ARHGAP27: variants seen among roughly 807,000 people sequenced by gnomAD.
The protein encoded by ARHGAP27 is rho GTPase-activating protein 27.
A neutral mutation model predicts 102.0 loss-of-function variants in ARHGAP27; 53 were observed. The ratio of observed to expected loss-of-function variants is 0.52; its 90% CI spans 0.42 to 0.65. The LOEUF is 0.65. Among genes scored for constraint, ARHGAP27 ranks in the 30% least tolerant of loss-of-function variants. ARHGAP27 has a pLI of 0.00. For missense variants in ARHGAP27, 1,117 were observed against 1,256.2 expected, an observed-to-expected ratio of 0.89 and a Z score of 1.68; for synonymous variants, 525 against 542.8, an observed-to-expected ratio of 0.97 and a Z score of 0.46.
At chr17:45,421,476 G>A (rs2049033603) in intron 4 of ARHGAP27, among the ~76,000 whole-genome samples, 1 of 151,764 alleles carries the variant, frequency 6.6e-6, no homozygotes, top group African/African-American at 2.4e-5. Flanking sequence ...AGTAGACCCT[G>A]TCTCAAAAAA....
chr17:45,409,828 C>G (rs2047684614), intron 4 of ARHGAP27: 2 of 176,580 alleles, frequency 1.1e-5, no homozygotes, highest in South Asian at 1.3e-4. Context: ...GAGGCCCAGA[C>G]AAGACCCAGA....
At chr17:45,404,422 G>C in intron 8 of ARHGAP27, 23 bp downstream of exon 8, 3 of 1,614,002 alleles carry the variant, frequency 1.9e-6, no homozygotes. Context: ...GTCCTGCCAG[G>C]ACCTCAATGG....
intron 4 of ARHGAP27, among the ~76,000 whole-genome samples, chr17:45,428,488 T>G (rs1264867185): frequency 6.6e-6 from 1 of 151,532 alleles, no homozygotes; most frequent in Non-Finnish European, 1.5e-5. Context: ...CAGAATCCAG[T>G]TCCCCTTTCC....
Position 45,396,546 on chromosome 17 carries a change from C to A in ARHGAP27, c.2114G>T (p.Arg705Leu). 7 of 1,595,086 alleles carry A rather than the reference C, an allele frequency of 4.4e-6. No homozygotes were observed. Among genetic ancestry groups the A allele is most frequent in the East Asian group, 2.3e-5 (1 of 44,414 alleles). The change falls in exon 16 of 20, where the codon CGC (arginine) becomes CTC (leucine). Residue 705 changes from arginine to leucine, a missense_variant. Arg to Leu is a moderately radical substitution (Grantham distance 102). Around this residue, in one of 3 missense-constraint regions of ARHGAP27, gnomAD observed 493 missense variants for 505.5 expected, o/e 0.98. Coordinates refer to ENST00000685559, the MANE Select transcript of ARHGAP27 (RefSeq NM_001282290.2). Reference sequence around the variant, plus strand: ...GAAGCGTGGCACCCGGCTCCTCTCGCGCTCACACAGCGCGGCCAGCGCGCA... The same window carrying A: ...GAAGCGTGGCACCCGGCTCCTCTCGAGCTCACACAGCGCGGCCAGCGCGCA... ...FGCALAALCE[R>L]ERSRVPRFVQ...
intron 4 of ARHGAP27, among the ~76,000 whole-genome samples, chr17:45,423,888 G>A (rs899175585): frequency 4.6e-5 from 7 of 152,248 alleles, no homozygotes; most frequent in Admixed American, 2.0e-4. Context: ...ACAGTCATTC[G>A]ATTGAGATTT....
intron 4 of ARHGAP27, 104 bp downstream of exon 4, chr17:45,429,519 C>A (rs2049890536): frequency 7.9e-6 from 12 of 1,528,448 alleles, no homozygotes; most frequent in Non-Finnish European, 1.0e-5. Flanking sequence ...AGGTGGGCGT[C>A]GTGCCCGACG....
chr17:45,401,392 C>A (rs570798065), intron 12 of ARHGAP27, among the ~76,000 whole-genome samples: 5 of 152,276 alleles, frequency 3.3e-5, no homozygotes, highest in Admixed American at 6.5e-5. Flanking sequence ...AGACTCCAGA[C>A]CTACTCATCA....
rs36233058 is a variant in ARHGAP27 at position 45,412,962 on chromosome 17, CTTTTTTTTTTTT to C, written c.658-6891_658-6880del. Among the ~76,000 whole-genome samples the C allele has an allele frequency of 3.1e-3, 126 of 41,132 alleles. 1 individual carries two copies. The highest frequency in any genetic ancestry group is 9.4e-3 in the African/African-American group (97 of 10,268). 27.0% of individuals were successfully genotyped at this position (41,132 alleles called of 152,430 possible). ...GTGTGGCACCACGGCTCAGTATAAT[CTTTTTTTTTTTT>C]TTTTTTTTTTTTTTTTTTTTTTTTT... On this transcript the variant is annotated intron_variant, in intron 4 of 19. Transcript: ENST00000685559.
At chr17:45,419,220 G>A (rs1308047436) in intron 4 of ARHGAP27, among the ~76,000 whole-genome samples, 1 of 152,000 alleles carries the variant, frequency 6.6e-6, no homozygotes, top group Admixed American at 6.6e-5. Flanking sequence ...CCCATCCAGA[G>A]ATAAACATAA....
rs1452932233 is a variant in ARHGAP27 at position 45,395,864 on chromosome 17, G to A, written c.2387-15C>T. Reference sequence around the variant, plus strand: ...GTCCTGCAACTCTGGGTGAGGGAAGGTTTAGAGGGAGGGAGTCGGAACGGG... The same window carrying A: ...GTCCTGCAACTCTGGGTGAGGGAAGATTTAGAGGGAGGGAGTCGGAACGGG... On this transcript the variant is annotated splice_polypyrimidine_tract_variant and intron_variant, in intron 18 of 19. Transcript: ENST00000685559. The A allele has an allele frequency of 1.3e-6, 2 of 1,594,886 alleles. No homozygotes were observed. The highest frequency in any genetic ancestry group is 2.2e-5 in the South Asian group (2 of 88,956).
At chr17:45,410,262 G>T in intron 4 of ARHGAP27, 2 of 1,533,234 alleles carry the variant, frequency 1.3e-6, no homozygotes, top group Non-Finnish European at 1.7e-6. Context: ...TCTGCCTCCT[G>T]GTCACTTTGG....
chr17:45,397,186 C>T, intron 13 of ARHGAP27, 162 bp from the exon 14 acceptor site: 2 of 1,437,648 alleles, frequency 1.4e-6, no homozygotes, highest in Non-Finnish European at 1.8e-6. Context: ...TTACCTCCAC[C>T]AGTGAGCCTG....
chr17:45,409,755 C>T (rs143696429), intron 4 of ARHGAP27: 402 of 161,100 alleles, frequency 2.5e-3, no homozygotes, highest in Non-Finnish European at 3.5e-3. Flanking sequence ...CCTCCACATC[C>T]TCTGGCCTTC....
chr17:45,416,468 T>TC (rs201825602), intron 4 of ARHGAP27, among the ~76,000 whole-genome samples: 18 of 145,936 alleles, frequency 1.2e-4, no homozygotes, highest in East Asian at 7.9e-4. Context: ...TCTCTCTCTC[T>TC]TTTTTTTTTT....
Position 45,415,047 on chromosome 17 carries a change from A to G in ARHGAP27, c.658-8964T>C, listed in dbSNP as rs372322508. ...CATTGCTCTCTAGCCTGGGTGACAG[A>G]GAGAGAGTCCATCTCAAAAAAAAAA... On this transcript the variant is annotated intron_variant, in intron 4 of 19. Coordinates refer to ENST00000685559, the MANE Select transcript of ARHGAP27 (RefSeq NM_001282290.2). Among the ~76,000 whole-genome samples the G allele has an allele frequency of 4.8e-5, 7 of 146,336 alleles. No individual in the cohort carries two copies. In the East Asian group the frequency reaches 1.0e-3, roughly 21 times the overall value.
chr17:45,405,285 G>C (rs1405710429), intron 5 of ARHGAP27, among the ~76,000 whole-genome samples, 179 bp from the exon 6 acceptor site: 1 of 151,864 alleles, frequency 6.6e-6, no homozygotes, highest in East Asian at 1.9e-4. Context: ...CTGGGGCTGT[G>C]GGAGCAGAAG....
At position 45,402,796 on chromosome 17, in the gene ARHGAP27, G is replaced by A; in HGVS notation, c.1661C>T (p.Thr554Ile). The A allele has an allele frequency of 1.9e-6, 3 of 1,613,540 alleles. No individual in the cohort carries two copies. Among genetic ancestry groups the A allele is most frequent in the Non-Finnish European group, 2.5e-6 (3 of 1,179,718 alleles). ...CCTCAGCTCCACTGTGTACTCAGGG[G>A]TGGAAAACTTGGAAGGCTGCCTCTG... Reference protein sequence around the residue: ...GGLRQPSKFSTPEYTVELRGA... With the variant: ...GGLRQPSKFSIPEYTVELRGA... Residue 554 changes from threonine to isoleucine, a missense_variant, in exon 12 of 20, where the codon ACC (threonine) becomes ATC (isoleucine). Transcript: ENST00000685559.
chr17:45,425,674 C>T (rs551709963), intron 4 of ARHGAP27: 4 of 983,890 alleles, frequency 4.1e-6, no homozygotes, highest in African/African-American at 1.7e-5. Context: ...TGCAGCAGCC[C>T]GGCTGGAACT....
rs1425673975 is a variant in ARHGAP27 at position 45,427,767 on chromosome 17, C to T, written c.657+1856G>A. On this transcript the variant is annotated intron_variant, in intron 4 of 19. Coordinates refer to ENST00000685559, the MANE Select transcript of ARHGAP27 (RefSeq NM_001282290.2). This position sits in a 1 kb window ranked among gnomAD's most constrained non-coding sequence, Gnocchi z 4.5. Reference sequence around the variant, plus strand: ...GGCCAGAGAGCTGCCTGTCTCTGGCCAATGTCCTAGATTCCCCCCCTGGGT... The same window carrying T: ...GGCCAGAGAGCTGCCTGTCTCTGGCTAATGTCCTAGATTCCCCCCCTGGGT... Among the ~76,000 whole-genome samples the T allele has an allele frequency of 6.6e-6, 1 of 152,204 alleles. No individual in the cohort carries two copies. Among genetic ancestry groups the T allele is most frequent in the Non-Finnish European group, 1.5e-5 (1 of 68,034 alleles).
Sources: allele counts gnomAD v4.1 joint callset (sites outside exome capture counted in the v4.1 genomes callset), GRCh38; gene constraint gnomAD v4.1.1; regional missense constraint gnomAD v4.1.1; non-coding constraint Gnocchi (gnomAD v3.1); transcripts MANE v1.5; gene names NCBI Gene and HGNC (gene_info 2026-07-23, HGNC 2026-07-21).